Variants in PCDH9 observed in about 807,000 individuals in gnomAD.
The protein encoded by PCDH9 is protocadherin 9, also known as protocadherin-9.
PCDH9 carries 24 observed loss-of-function variants against 70.6 expected under a neutral mutation model. The observed-to-expected ratio is 0.34, with a 90% CI of 0.25 to 0.48. The LOEUF is 0.48. Ranked by LOEUF, PCDH9 falls within the 20% of genes least tolerant of loss-of-function variation. The probability of loss-of-function intolerance (pLI) is 0.99; values close to 1 mark genes in which losing one functional copy is unlikely to be tolerated. For synonymous variants in PCDH9, 562 were observed against 558.5 expected, an observed-to-expected ratio of 1.01 and a Z score of -0.09; for missense variants, 1,281 against 1,503.6, an observed-to-expected ratio of 0.85 and a Z score of 2.45.
At chr13:66,470,155 G>A (rs1487687795) in intron 4 of PCDH9, among the ~76,000 whole-genome samples, 3 of 152,046 alleles carry the variant, frequency 2.0e-5, no homozygotes, top group Non-Finnish European at 4.4e-5. Flanking sequence ...AATTGCTTTC[G>A]TAATTAAAAC....
intron 2 of PCDH9, among the ~76,000 whole-genome samples, chr13:67,039,451 C>T (rs1438354001): frequency 6.6e-6 from 1 of 152,164 alleles, no homozygotes; most frequent in Non-Finnish European, 1.5e-5. Flanking sequence ...TCCAATCAGA[C>T]CACACCTCAT....
intron 4 of PCDH9, among the ~76,000 whole-genome samples, chr13:66,450,232 C>T (rs972926787): frequency 5.3e-5 from 8 of 152,056 alleles, no homozygotes; most frequent in Admixed American, 3.3e-4. Flanking sequence ...AAATTTATTG[C>T]CATTTTGCAC....
At chr13:66,692,878 C>T (rs557690839) in intron 3 of PCDH9, among the ~76,000 whole-genome samples, 2 of 152,044 alleles carry the variant, frequency 1.3e-5, no homozygotes, top group African/African-American at 4.8e-5. Flanking sequence ...CTCCTGGGCA[C>T]ATTTAATGAT....
chr13:66,437,685 T>C (rs1355945241), intron 4 of PCDH9, among the ~76,000 whole-genome samples: 5 of 152,124 alleles, frequency 3.3e-5, no homozygotes, highest in South Asian at 4.1e-4. Flanking sequence ...TCTCATGCAC[T>C]GTGGGTGGGA....
chr13:66,538,337 T>A (rs1009899042), intron 4 of PCDH9, among the ~76,000 whole-genome samples: 16 of 152,178 alleles, frequency 1.1e-4, no homozygotes, highest in African/African-American at 3.9e-4. Flanking sequence ...AAATATTCAA[T>A]AACCATTGTC....
intron 4 of PCDH9, among the ~76,000 whole-genome samples, chr13:66,562,212 C>A (rs886600777): frequency 1.2e-4 from 18 of 151,984 alleles, no homozygotes; most frequent in African/African-American, 4.3e-4. Flanking sequence ...AAAAAAAAAT[C>A]AAACTTGTGA....
intron 2 of PCDH9, among the ~76,000 whole-genome samples, chr13:67,121,571 T>C (rs2138301164): frequency 6.6e-6 from 1 of 152,328 alleles, no homozygotes; most frequent in East Asian, 1.9e-4. Flanking sequence ...ACTAATCTTT[T>C]TTACATATTA....
intron 3 of PCDH9, among the ~76,000 whole-genome samples, chr13:66,766,423 G>GA (rs1260391672): frequency 5.3e-5 from 8 of 151,810 alleles, no homozygotes; most frequent in Non-Finnish European, 1.2e-4. Context: ...AGTATTAGAA[G>GA]AAAAAATAAC....
chr13:66,543,757 A>G (rs1009688666), intron 4 of PCDH9, among the ~76,000 whole-genome samples: 3 of 152,190 alleles, frequency 2.0e-5, no homozygotes, highest in African/African-American at 7.2e-5. Context: ...AGTATAAACA[A>G]ATCAGAAAAA....
In PCDH9 at chr13:66,600,674, G is replaced by A. The variant is rs2077154650; in HGVS notation, c.3340+30536C>T. ...TAACAGTAATTATGGATATTGGCATGGATGTCAACATCACAGTTTATGGCT... is the reference window on the plus strand; with the variant it reads ...TAACAGTAATTATGGATATTGGCATAGATGTCAACATCACAGTTTATGGCT... On this transcript the variant is annotated intron_variant, in intron 4 of 4. Coordinates refer to ENST00000377865, the MANE Select transcript of PCDH9 (RefSeq NM_203487.3). Among the ~76,000 whole-genome samples, 2 of 113,218 alleles carry A rather than the reference G, an allele frequency of 1.8e-5. 1 individual carries two copies. The highest frequency in any genetic ancestry group is 4.3e-5 in the Non-Finnish European group (2 of 46,188). The allele number at this position is 113,218 out of a possible 152,430, so 74.3% of individuals were successfully genotyped here.
chr13:66,488,749 C>G (rs957292626), intron 4 of PCDH9, among the ~76,000 whole-genome samples: 7 of 152,142 alleles, frequency 4.6e-5, no homozygotes, highest in African/African-American at 1.2e-4. Context: ...GGTGATAGCT[C>G]AATTCTATGT....
chr13:67,176,521 AAAC>A (rs1261501650), intron 2 of PCDH9, among the ~76,000 whole-genome samples: 169 of 145,030 alleles, frequency 1.2e-3, no homozygotes, highest in African/African-American at 4.1e-3. Context: ...AAATAAAAAT[AAAC>A]AAAAAAAAAA....
At chr13:66,547,840 CATA>C (rs1961275158) in intron 4 of PCDH9, among the ~76,000 whole-genome samples, 1 of 146,428 alleles carries the variant, frequency 6.8e-6, no homozygotes, top group South Asian at 2.2e-4. Context: ...TAAATTAAGT[CATA>C]ATAATATGAT....
chr13:66,318,532 A>C (rs377389188), intron 4 of PCDH9, among the ~76,000 whole-genome samples: 2 of 152,212 alleles, frequency 1.3e-5, no homozygotes, highest in African/African-American at 4.8e-5. Context: ...AATAATCTTT[A>C]AAAATCTCTC....
intron 4 of PCDH9, among the ~76,000 whole-genome samples, chr13:66,306,576 GA>G (rs1230942521): frequency 6.6e-6 from 1 of 151,098 alleles, no homozygotes; most frequent in Non-Finnish European, 1.5e-5. Context: ...TACTAGATGT[GA>G]AAAAAGGGGC....
At chr13:67,147,724 T>G (rs1220394847) in intron 2 of PCDH9, among the ~76,000 whole-genome samples, 1 of 152,230 alleles carries the variant, frequency 6.6e-6, no homozygotes. Context: ...TTTCTTTGTA[T>G]TTCATGGACA....
chr13:66,723,665 G>A (rs1379214456), intron 3 of PCDH9, among the ~76,000 whole-genome samples: 4 of 152,122 alleles, frequency 2.6e-5, no homozygotes, highest in African/African-American at 7.2e-5. Context: ...GGACAAGGAA[G>A]CAAGTCAAAG....
chr13:67,174,805 AT>A (rs1375118007), intron 2 of PCDH9, among the ~76,000 whole-genome samples: 2 of 152,080 alleles, frequency 1.3e-5, no homozygotes, highest in Non-Finnish European at 2.9e-5. Flanking sequence ...TTGCAGATAA[AT>A]TTTGCATTAT....
intron 2 of PCDH9, among the ~76,000 whole-genome samples, chr13:67,065,633 G>A (rs1210128670): frequency 6.6e-6 from 1 of 152,052 alleles, no homozygotes; most frequent in African/African-American, 2.4e-5. Flanking sequence ...AAATTCTGCT[G>A]GAAAATATTG....
Sources: gnomAD v4.1 joint callset for allele counts (sites outside exome capture counted in the v4.1 genomes callset) on GRCh38, gnomAD v4.1.1 for gene constraint, MANE v1.5 for transcripts, NCBI Gene and HGNC (gene_info 2026-07-23, HGNC 2026-07-21) for gene names.